Variants in SGCD observed in about 807,000 individuals in gnomAD.
SGCD encodes sarcoglycan delta, also known as delta-sarcoglycan.
In SGCD, 18 loss-of-function variants were observed where a neutral mutation model predicts 36.6. That is an observed-to-expected ratio of 0.49 (90% CI 0.34 to 0.73). SGCD has a LOEUF of 0.73. Ranked by LOEUF, SGCD falls within the 30% of genes least tolerant of loss-of-function variation. The probability of loss-of-function intolerance (pLI) is 0.01; values close to 1 mark genes in which losing one functional copy is unlikely to be tolerated. For missense variants in SGCD, 387 were observed against 346.7 expected, an observed-to-expected ratio of 1.12 and a Z score of -0.92; for synonymous variants, 133 against 130.6, an observed-to-expected ratio of 1.02 and a Z score of -0.12.
intron 3 of SGCD, among the ~76,000 whole-genome samples, chr5:156,201,673 G>T (rs1764153368): frequency 6.6e-6 from 1 of 151,604 alleles, no homozygotes; most frequent in African/African-American, 2.4e-5. Flanking sequence ...AAAATCGAAT[G>T]AATGCCTCAT....
At chr5:155,793,348 C>CAATATGCCCATG in the SGCD span, among the ~76,000 whole-genome samples, 1 of 152,052 alleles carries the variant, frequency 6.6e-6, no homozygotes, top group South Asian at 2.1e-4. Context: ...CAGCATTATG[C>CAATATGCCCATG]AATATGCCCA....
At chr5:155,985,543 G>A (rs1758313583) in intron 1 of SGCD, among the ~76,000 whole-genome samples, 1 of 152,140 alleles carries the variant, frequency 6.6e-6, no homozygotes, top group Non-Finnish European at 1.5e-5. Context: ...GGATTAGGAT[G>A]TGGAATATTT....
chr5:155,906,791 G>A (rs1756522427), intron 1 of SGCD, among the ~76,000 whole-genome samples: 2 of 147,606 alleles, frequency 1.4e-5, no homozygotes, highest in African/African-American at 4.9e-5. Context: ...AGCAGCAAAT[G>A]TTGATGCAGA....
At chr5:155,742,769 C>T in the SGCD span, among the ~76,000 whole-genome samples, 1 of 152,190 alleles carries the variant, frequency 6.6e-6, no homozygotes. Context: ...CTCAGTCCCA[C>T]AGGACTGCTG....
the SGCD span, among the ~76,000 whole-genome samples, chr5:155,759,551 C>G: frequency 1.3e-5 from 2 of 152,128 alleles, no homozygotes; most frequent in Non-Finnish European, 2.9e-5. Context: ...CATCTTTAAA[C>G]ATGCACACTC....
intron 7 of SGCD, among the ~76,000 whole-genome samples, chr5:156,718,850 G>T (rs1755348474): frequency 6.7e-6 from 1 of 150,212 alleles, no homozygotes; most frequent in South Asian, 2.1e-4. Context: ...CAGGTATGTT[G>T]GTACATGCCT....
chr5:156,639,759 C>T (rs1172752095), intron 6 of SGCD, among the ~76,000 whole-genome samples: 1 of 152,108 alleles, frequency 6.6e-6, no homozygotes, highest in East Asian at 1.9e-4. Context: ...ACTGTTCCCT[C>T]CTTCTTGAAA....
chr5:156,537,929 C>T (rs558991159), intron 4 of SGCD, among the ~76,000 whole-genome samples: 4 of 151,974 alleles, frequency 2.6e-5, no homozygotes, highest in African/African-American at 7.2e-5. Flanking sequence ...AAAGACATAC[C>T]GTCTTTTCTT....
intron 1 of SGCD, among the ~76,000 whole-genome samples, chr5:156,079,379 C>T (rs2127591107): frequency 6.6e-6 from 1 of 152,310 alleles, no homozygotes; most frequent in South Asian, 2.1e-4. Context: ...AAGCTTATGT[C>T]CTTTTCATAT....
chr5:156,482,627 C>A (rs967787417), intron 3 of SGCD, among the ~76,000 whole-genome samples: 1 of 151,986 alleles, frequency 6.6e-6, no homozygotes, highest in South Asian at 2.1e-4. Flanking sequence ...TATCATAATT[C>A]CATTGTAAAT....
At chr5:156,469,863 G>A (rs1484234602) in intron 3 of SGCD, among the ~76,000 whole-genome samples, 5 of 152,184 alleles carry the variant, frequency 3.3e-5, no homozygotes, top group Non-Finnish European at 7.4e-5. Context: ...ATGAGGGACA[G>A]ATCTGTCAAA....
intron 7 of SGCD, among the ~76,000 whole-genome samples, chr5:156,651,222 A>C: frequency 6.6e-6 from 1 of 152,008 alleles, no homozygotes; most frequent in Non-Finnish European, 1.5e-5. Flanking sequence ...TTGGGTGCAT[A>C]GTTTGATAAT....
the SGCD span, among the ~76,000 whole-genome samples, chr5:155,763,202 C>G: frequency 6.6e-6 from 1 of 152,054 alleles, no homozygotes; most frequent in Non-Finnish European, 1.5e-5. Context: ...ACTGAATTTT[C>G]TAATTTCAGG....
At chr5:155,870,785 T>A (rs1355443955) in intron 1 of SGCD, among the ~76,000 whole-genome samples, 1 of 152,168 alleles carries the variant, frequency 6.6e-6, no homozygotes, top group South Asian at 2.1e-4. Context: ...GAAAACATCC[T>A]ACTGAAATGC....
At chr5:156,236,608 C>A (rs182445378) in intron 3 of SGCD, among the ~76,000 whole-genome samples, 1 of 151,818 alleles carries the variant, frequency 6.6e-6, no homozygotes, top group Admixed American at 6.6e-5. Flanking sequence ...TGCCACCACG[C>A]CCAGCTAATT....
chr5:156,427,897 A>T (rs1002513893), intron 3 of SGCD, among the ~76,000 whole-genome samples: 4 of 152,162 alleles, frequency 2.6e-5, no homozygotes, highest in African/African-American at 9.7e-5. Context: ...CCACTTGATC[A>T]TGGTGAATTA....
intron 3 of SGCD, among the ~76,000 whole-genome samples, chr5:156,160,980 G>A (rs1046111631): frequency 5.3e-5 from 8 of 151,720 alleles, no homozygotes; most frequent in Non-Finnish European, 7.3e-5. Flanking sequence ...TAGACTATAC[G>A]TAAATGAATG....
chr5:155,763,614 C>T, the SGCD span, among the ~76,000 whole-genome samples: 13 of 152,114 alleles, frequency 8.5e-5, no homozygotes, highest in South Asian at 1.0e-3. Context: ...AAAACTAAAG[C>T]GACATCAAAG....
intron 4 of SGCD, among the ~76,000 whole-genome samples, chr5:156,588,242 A>G (rs1760576510): frequency 6.6e-6 from 1 of 152,038 alleles, no homozygotes; most frequent in Non-Finnish European, 1.5e-5. Flanking sequence ...TGATCTAAGA[A>G]TGGTTTTCAT....
Sources: gnomAD v4.1 joint callset for allele counts (sites outside exome capture counted in the v4.1 genomes callset) on GRCh38, gnomAD v4.1.1 for gene constraint, MANE v1.5 for transcripts, NCBI Gene and HGNC (gene_info 2026-07-23, HGNC 2026-07-21) for gene names.